ABCB5: variants seen among roughly 807,000 people sequenced by gnomAD.
The protein encoded by ABCB5 is ATP binding cassette subfamily B member 5, also known as ATP-binding cassette sub-family B member 5.
Under a neutral mutation model 144.2 loss-of-function variants are expected in ABCB5, and 155 were observed. The ratio of observed to expected loss-of-function variants is 1.08; its 90% CI spans 0.94 to 1.23. ABCB5 has a LOEUF of 1.23. Ranked by LOEUF, ABCB5 falls within the 50% of genes most tolerant of loss-of-function variation. ABCB5 has a pLI of 0.00. For synonymous variants in ABCB5, 610 were observed against 528.6 expected, an observed-to-expected ratio of 1.15 and a Z score of -2.11; for missense variants, 1,830 against 1,520.8, an observed-to-expected ratio of 1.20 and a Z score of -3.38.
At chr7:20,752,722 C>T (rs1413177737) in intron 26 of ABCB5, among the ~76,000 whole-genome samples, 1 of 152,180 alleles carries the variant, frequency 6.6e-6, no homozygotes, top group African/African-American at 2.4e-5. Flanking sequence ...TGGTGGGCAC[C>T]TGTAATCCCA....
Position 20,643,572 on chromosome 7 carries a change from C to T in ABCB5, c.618C>T (p.Leu206=), listed in dbSNP as rs1313661004. 4 of 1,613,808 alleles carry T rather than the reference C, an allele frequency of 2.5e-6. No homozygotes were observed. The Admixed American group carries it at 6.7e-5, about 27-fold the overall frequency. Reference sequence around the variant, plus strand: ...TTGGTTTGGTGAAGGGCTGGAAACTCACCCTAGTGACTCTATCCACGTCTC... The same window carrying T: ...TTGGTTTGGTGAAGGGCTGGAAACTTACCCTAGTGACTCTATCCACGTCTC... The part of the protein sequence containing the change: ...LAVGLVKGWK[L]TLVTLSTSPL... The change falls in exon 7 of 28, where the codon CTC becomes CTT. Residue 206 remains leucine, a synonymous_variant. Coordinates refer to ENST00000404938, the MANE Select transcript of ABCB5 (RefSeq NM_001163941.2).
chr7:20,641,428 G>C (rs1225082115), intron 5 of ABCB5: 1 of 152,232 alleles, frequency 6.6e-6, no homozygotes, highest in East Asian at 1.9e-4. Flanking sequence ...TGTACCATCA[G>C]TGCCAGCTAC....
chr7:20,653,212 C>CTACA (rs1383195249), intron 13 of ABCB5, among the ~76,000 whole-genome samples: 1 of 152,122 alleles, frequency 6.6e-6, no homozygotes, highest in Non-Finnish European at 1.5e-5. Context: ...AAGCCAAATA[C>CTACA]TACACAAAGA....
chr7:20,680,501 C>A (rs1785755618), intron 14 of ABCB5, among the ~76,000 whole-genome samples: 1 of 150,010 alleles, frequency 6.7e-6, no homozygotes, highest in South Asian at 2.1e-4. Context: ...ACCCGGGAGA[C>A]GGAGCTTGCA....
chr7:20,660,602 T>A (rs1294711104), intron 14 of ABCB5, among the ~76,000 whole-genome samples: 2 of 152,072 alleles, frequency 1.3e-5, no homozygotes, highest in Admixed American at 6.6e-5. Flanking sequence ...TAGACTGCAG[T>A]TATGGAACCA....
Position 20,650,127 on chromosome 7 carries a change from T to C in ABCB5, c.1312T>C (p.Tyr438His), listed in dbSNP as rs371086248. The part of the protein sequence containing the change: ...STVVQLLQRL[Y>H]DPDDGFIMVD... ...GGTAGTCCAGCTTCTGCAGAGGTTATATGATCCGGATGATGGCTTTGTAAG... is the reference window on the plus strand; with the variant it reads ...GGTAGTCCAGCTTCTGCAGAGGTTACATGATCCGGATGATGGCTTTGTAAG... The change falls in exon 12 of 28, where the codon TAT (tyrosine) becomes CAT (histidine). Residue 438 changes from tyrosine to histidine, a missense_variant. Coordinates refer to ENST00000404938, the MANE Select transcript of ABCB5 (RefSeq NM_001163941.2). 3 of 1,613,462 alleles carry C rather than the reference T, an allele frequency of 1.9e-6. No homozygotes were observed. The African/African-American group carries it at 4.0e-5, about 22-fold the overall frequency.
At chr7:20,641,310 T>G (rs1210627553) in intron 5 of ABCB5, among the ~76,000 whole-genome samples, 2 of 151,158 alleles carry the variant, frequency 1.3e-5, no homozygotes. Flanking sequence ...GGCATTTTTT[T>G]CAGGAAGAAT....
At chr7:20,620,920 T>C (rs9791568) in intron 1 of ABCB5, among the ~76,000 whole-genome samples, 3 of 151,990 alleles carry the variant, frequency 2.0e-5, no homozygotes, top group African/African-American at 7.2e-5. Flanking sequence ...GAAACGAGGA[T>C]ACTCAAACAA....
At chr7:20,733,624 CTCTTT>C (rs71555818) in intron 23 of ABCB5, among the ~76,000 whole-genome samples, 11,214 of 150,986 alleles carry the variant, frequency 0.074, 483 homozygotes, top group South Asian at 0.15. Flanking sequence ...CACTTTTCTT[CTCTTT>C]TCTTTTCTTT....
intron 16 of ABCB5, among the ~76,000 whole-genome samples, chr7:20,686,678 C>A (rs1285722096): frequency 6.6e-6 from 1 of 152,146 alleles, no homozygotes; most frequent in East Asian, 1.9e-4. Flanking sequence ...ATCCCTCACC[C>A]TTGCCCCTGT....
At chr7:20,626,407 T>C in intron 2 of ABCB5, 150 bp from the exon 3 acceptor site, 1 of 605,052 alleles carries the variant, frequency 1.7e-6, no homozygotes, top group Non-Finnish European at 2.8e-6. Context: ...CAGTGACAAC[T>C]GTCTATCATT....
Position 20,643,352 on chromosome 7 carries a change from T to G in ABCB5, c.483T>G (p.Gly161=), listed in dbSNP as rs752539619. 2 of 1,613,972 alleles carry G rather than the reference T, an allele frequency of 1.2e-6. No homozygotes were observed. Among genetic ancestry groups the G allele is most frequent in the Non-Finnish European group, 1.7e-6 (2 of 1,179,872 alleles). Residue 161 remains glycine, a synonymous_variant, in exon 6 of 28, where the codon GGT becomes GGG. Coordinates refer to ENST00000404938, the MANE Select transcript of ABCB5 (RefSeq NM_001163941.2). ...DIGWFDSCDI[G]ELNTRMTDDI... Reference sequence around the variant, plus strand: ...GCTGGTTTGATAGCTGTGACATCGGTGAACTTAACACTCGCATGACAGAGT... The same window carrying G: ...GCTGGTTTGATAGCTGTGACATCGGGGAACTTAACACTCGCATGACAGAGT...
chr7:20,628,644 G>C, intron 3 of ABCB5, 44 bp from the exon 4 acceptor site: 2 of 1,583,518 alleles, frequency 1.3e-6, no homozygotes, highest in Non-Finnish European at 8.6e-7. Flanking sequence ...TGGTGTGTTT[G>C]TTTGTTTTAC....
At chr7:20,664,536 C>T (rs779887896) in intron 14 of ABCB5, among the ~76,000 whole-genome samples, 1 of 152,110 alleles carries the variant, frequency 6.6e-6, no homozygotes, top group South Asian at 2.1e-4. Flanking sequence ...TATTCCTAAG[C>T]CTTTCCTTCC....
chr7:20,672,032 C>T (rs1238991377), intron 14 of ABCB5, among the ~76,000 whole-genome samples: 8 of 152,296 alleles, frequency 5.3e-5, no homozygotes, highest in Admixed American at 4.6e-4. Flanking sequence ...ATCCCATTGT[C>T]ATTTTAATTT....
intron 14 of ABCB5, among the ~76,000 whole-genome samples, chr7:20,668,599 G>A (rs564023961): frequency 8.0e-4 from 116 of 145,898 alleles, no homozygotes; most frequent in African/African-American, 2.8e-3. Context: ...GTGGGGGGGG[G>A]GGTCAGCCCC....
At chr7:20,629,050 A>G (rs1326323058) in intron 4 of ABCB5, among the ~76,000 whole-genome samples, 2 of 152,064 alleles carry the variant, frequency 1.3e-5, no homozygotes, top group South Asian at 2.1e-4. Context: ...ATAAATAAAT[A>G]AATAAATAAG....
At position 20,734,654 on chromosome 7, in the gene ABCB5, G is replaced by GA. The variant is rs924985936; in HGVS notation, c.2868-4320dup. Among the ~76,000 whole-genome samples the GA allele has an allele frequency of 9.3e-5, 14 of 149,930 alleles. No individual in the cohort carries two copies. The East Asian group carries it at 9.8e-4, about 10-fold the overall frequency. On this transcript the variant is annotated intron_variant, in intron 23 of 27. Coordinates refer to ENST00000404938, the MANE Select transcript of ABCB5 (RefSeq NM_001163941.2). Reference sequence around the variant, plus strand: ...TTTTTAGAGGAAAAAGCCTCTAAAAGAAAAAAAAAGACAACACGCATGTCT... The same window carrying GA: ...TTTTTAGAGGAAAAAGCCTCTAAAAGAAAAAAAAAAGACAACACGCATGTCT...
chr7:20,743,793 A>C (rs1782634202), intron 25 of ABCB5, among the ~76,000 whole-genome samples: 1 of 152,096 alleles, frequency 6.6e-6, no homozygotes, highest in East Asian at 1.9e-4. Flanking sequence ...TCGCCCTTAC[A>C]GATTCTCAAT....
Sources: gnomAD v4.1 joint callset for allele counts (sites outside exome capture counted in the v4.1 genomes callset) on GRCh38, gnomAD v4.1.1 for gene constraint, MANE v1.5 for transcripts, NCBI Gene and HGNC (gene_info 2026-07-23, HGNC 2026-07-21) for gene names.